The following MTFR1 variants were observed in gnomAD, a reference collection of about 807,000 sequenced individuals.
MTFR1 encodes chondrocyte protein with a poly-proline region.
Under a neutral mutation model 38.8 loss-of-function variants are expected in MTFR1, and 28 were observed. The observed-to-expected ratio is 0.72, with a 90% CI of 0.53 to 0.99. The LOEUF is 0.99. Ranked by LOEUF, MTFR1 falls within the 50% of genes least tolerant of loss-of-function variation. MTFR1 has a pLI of 0.00. For synonymous variants in MTFR1, 145 were observed against 137.0 expected, an observed-to-expected ratio of 1.06 and a Z score of -0.41; for missense variants, 358 against 395.5, an observed-to-expected ratio of 0.91 and a Z score of 0.81.
downstream of MTFR1, among the ~76,000 whole-genome samples, chr8:65,711,321 GTC>G (rs1805937692): frequency 6.6e-6 from 1 of 152,134 alleles, no homozygotes; most frequent in Non-Finnish European, 1.5e-5. Flanking sequence ...CTATGTGTCT[GTC>G]TCTCTGGTGA....
chr8:65,745,477 T>A, intron 3 of MTFR1: 1 of 1,493,848 alleles, frequency 6.7e-7, no homozygotes, highest in Non-Finnish European at 9.3e-7. Flanking sequence ...TACACTGAAA[T>A]GAAAACCAAA....
chr8:65,761,686 G>A (rs1585887345), intron 3 of MTFR1, among the ~76,000 whole-genome samples: 1 of 152,316 alleles, frequency 6.6e-6, no homozygotes, highest in South Asian at 2.1e-4. Context: ...AATGAACACT[G>A]TGACTTAGTG....
At chr8:65,671,549 A>AG (rs1804569105) in intron 2 of MTFR1, among the ~76,000 whole-genome samples, 1 of 151,632 alleles carries the variant, frequency 6.6e-6, no homozygotes, top group African/African-American at 2.4e-5. Context: ...TTAAAAAAAA[A>AG]AAAAAAAAAA....
chr8:65,735,747 A>C (rs1161196711), intron 3 of MTFR1, among the ~76,000 whole-genome samples: 1 of 151,942 alleles, frequency 6.6e-6, no homozygotes, highest in African/African-American at 2.4e-5. Flanking sequence ...CGCCTCAGCC[A>C]CCCGAGTAGC....
chr8:65,695,709 G>C (rs1052392869), intron 4 of MTFR1, among the ~76,000 whole-genome samples: 1 of 152,176 alleles, frequency 6.6e-6, no homozygotes, highest in African/African-American at 2.4e-5. Context: ...GGTAATAAGA[G>C]AGGGTAGTCT....
chr8:65,749,740 C>T (rs1422055464), intron 3 of MTFR1, among the ~76,000 whole-genome samples: 1 of 152,086 alleles, frequency 6.6e-6, no homozygotes, highest in Non-Finnish European at 1.5e-5. Context: ...GGTCACATAC[C>T]CAATATAGGG....
At chr8:65,750,530 CAG>C (rs571589742) in intron 3 of MTFR1, among the ~76,000 whole-genome samples, 1 of 131,184 alleles carries the variant, frequency 7.6e-6, no homozygotes, top group African/African-American at 2.9e-5. Context: ...GTGTGTGAGA[CAG>C]AGAGAGAATT....
At chr8:65,649,589 GGGTAAAT>G (rs1376690636) in intron 1 of MTFR1, among the ~76,000 whole-genome samples, 5 of 152,184 alleles carry the variant, frequency 3.3e-5, no homozygotes, top group African/African-American at 9.6e-5. Flanking sequence ...AATCACATCA[GGGTAAAT>G]GGTAAATGGG....
At chr8:65,667,417 C>G (rs1252026531) in intron 1 of MTFR1, among the ~76,000 whole-genome samples, 1 of 150,844 alleles carries the variant, frequency 6.6e-6, no homozygotes, top group Non-Finnish European at 1.5e-5. Flanking sequence ...ATTCAGCAAA[C>G]TTTCTTCTTT....
At chr8:65,764,600 A>G (rs1808675305) in intron 3 of MTFR1, among the ~76,000 whole-genome samples, 2 of 152,246 alleles carry the variant, frequency 1.3e-5, no homozygotes, top group South Asian at 4.1e-4. Flanking sequence ...AAAGCACTAA[A>G]AGCTTCCAAA....
intron 2 of MTFR1, among the ~76,000 whole-genome samples, chr8:65,671,054 A>G (rs1804557196): frequency 6.6e-6 from 1 of 152,052 alleles, no homozygotes; most frequent in African/African-American, 2.4e-5. Flanking sequence ...TGAACTTTGA[A>G]TCTCCCCAAC....
chr8:65,765,606 T>C (rs1378157801), intron 3 of MTFR1: 1 of 151,534 alleles, frequency 6.6e-6, no homozygotes, highest in East Asian at 1.9e-4. Flanking sequence ...GCATTTGTGT[T>C]GACATGAGAA....
intron 2 of MTFR1, among the ~76,000 whole-genome samples, chr8:65,674,538 G>A (rs1458086351): frequency 6.6e-6 from 1 of 151,940 alleles, no homozygotes; most frequent in East Asian, 1.9e-4. Flanking sequence ...CTTGACCCTG[G>A]GAGGCAGAGA....
At chr8:65,730,171 CTTTTTTTTTT>C (rs1179431555) in intron 3 of MTFR1, among the ~76,000 whole-genome samples, 7 of 86,448 alleles carry the variant, frequency 8.1e-5, no homozygotes, top group South Asian at 4.7e-4. Flanking sequence ...TTGCGCACTT[CTTTTTTTTTT>C]TTTTTTTTTT....
At chr8:65,729,770 T>C (rs1806768762) in intron 3 of MTFR1, among the ~76,000 whole-genome samples, 1 of 151,834 alleles carries the variant, frequency 6.6e-6, no homozygotes, top group African/African-American at 2.4e-5. Context: ...GGTTTCACCA[T>C]GTTGGCCAGG....
intron 3 of MTFR1, chr8:65,745,326 G>T: frequency 1.2e-6 from 1 of 828,826 alleles, no homozygotes; most frequent in Non-Finnish European, 2.1e-6. Context: ...TACAGTAAAT[G>T]AAAGCAACGC....
chr8:65,682,257 A>G (rs1265772563), intron 2 of MTFR1, 96 bp from the exon 3 acceptor site: 2 of 475,910 alleles, frequency 4.2e-6, no homozygotes, highest in African/African-American at 2.0e-5. Flanking sequence ...CCTGTAATTA[A>G]TGTGTTAGTA....
At chr8:65,663,791 CTCT>C (rs1270876582) in intron 1 of MTFR1, among the ~76,000 whole-genome samples, 3 of 131,106 alleles carry the variant, frequency 2.3e-5, no homozygotes, top group African/African-American at 8.3e-5. Flanking sequence ...CCCTTCCCTT[CTCT>C]TCTTCCTTCT....
At chr8:65,734,938 C>CAT (rs757060749) in intron 3 of MTFR1, 1 of 1,180,708 alleles carries the variant, frequency 8.5e-7, no homozygotes, top group South Asian at 1.2e-5. Context: ...ATATGAGCAA[C>CAT]ATATACAAGG....
Sources: allele counts gnomAD v4.1 joint callset (sites outside exome capture counted in the v4.1 genomes callset), GRCh38; gene constraint gnomAD v4.1.1; transcripts MANE v1.5; gene names NCBI Gene and HGNC (gene_info 2026-07-23, HGNC 2026-07-21).